Variants in DCP1A observed in about 807,000 individuals in gnomAD.
The protein encoded by DCP1A is mRNA-decapping enzyme 1A.
In DCP1A, 20 loss-of-function variants were observed where a neutral mutation model predicts 58.0. The observed-to-expected ratio is 0.34, with a 90% CI of 0.24 to 0.50. The LOEUF is 0.50. DCP1A is among the 20% of genes least tolerant of loss of function. The probability of loss-of-function intolerance (pLI) is 0.98; values close to 1 mark genes in which losing one functional copy is unlikely to be tolerated. For missense variants in DCP1A, 613 were observed against 712.2 expected (o/e 0.86, Z 1.59); for synonymous variants, 285 against 275.1 (o/e 1.04, Z -0.36).
At chr3:53,304,135 C>G in intron 6 of DCP1A, 42 bp downstream of exon 6, 1 of 1,455,332 alleles carries the variant, frequency 6.9e-7, no homozygotes, top group Non-Finnish European at 9.6e-7. Flanking sequence ...GAATGTTACT[C>G]TTTGTTACTT....
At chr3:53,295,444 A>T (rs1295764467) in intron 6 of DCP1A, among the ~76,000 whole-genome samples, 2 of 152,020 alleles carry the variant, frequency 1.3e-5, no homozygotes, top group Non-Finnish European at 2.9e-5. Context: ...AAGATCTTAT[A>T]TGGTTCAATT....
At chr3:53,294,457 G>C (rs1707048102) in intron 6 of DCP1A, among the ~76,000 whole-genome samples, 1 of 152,158 alleles carries the variant, frequency 6.6e-6, no homozygotes, top group South Asian at 2.1e-4. Context: ...GTTAGGGAGA[G>C]GGGGAAGCTG....
At chr3:53,315,020 C>CG (rs1707760549) in intron 4 of DCP1A, among the ~76,000 whole-genome samples, 1 of 152,032 alleles carries the variant, frequency 6.6e-6, no homozygotes, top group Admixed American at 6.6e-5. Flanking sequence ...CAGAAGCTGT[C>CG]GGGGGTGGTA....
intron 6 of DCP1A, 87 bp from the exon 7 acceptor site, chr3:53,292,914 C>G: frequency 7.2e-7 from 1 of 1,393,150 alleles, no homozygotes; most frequent in Non-Finnish European, 9.7e-7. Flanking sequence ...AAAGATTTTG[C>G]AGAATCAAGG....
chr3:53,342,122 A>G, intron 3 of DCP1A, 22 bp downstream of exon 3: 1 of 1,570,510 alleles, frequency 6.4e-7, no homozygotes, highest in Non-Finnish European at 8.7e-7. Context: ...TGTAATAACT[A>G]TAATAAAACA....
At chr3:53,300,676 C>T (rs1171494050) in intron 6 of DCP1A, among the ~76,000 whole-genome samples, 1 of 151,376 alleles carries the variant, frequency 6.6e-6, no homozygotes, top group Non-Finnish European at 1.5e-5. Flanking sequence ...GAAACAGGGT[C>T]TCCCTTGGTC....
intron 3 of DCP1A, among the ~76,000 whole-genome samples, chr3:53,326,985 C>A (rs956725626): frequency 1.3e-5 from 2 of 151,138 alleles, no homozygotes; most frequent in African/African-American, 4.9e-5. Context: ...AACCCCCCCC[C>A]CCCAACTGGT....
At chr3:53,299,767 G>A (rs1238525005) in intron 6 of DCP1A, among the ~76,000 whole-genome samples, 1 of 152,222 alleles carries the variant, frequency 6.6e-6, no homozygotes, top group Non-Finnish European at 1.5e-5. Flanking sequence ...GCCTGTGGCG[G>A]CTGATGATAA....
Position 53,292,405 on chromosome 3 carries a change from A to G in DCP1A, c.1047T>C (p.Pro349=), listed in dbSNP as rs1706923971. The G allele has an allele frequency of 6.2e-7, 1 of 1,613,812 alleles. No homozygotes were observed. The highest frequency in any genetic ancestry group is 8.5e-7 in the Non-Finnish European group (1 of 1,179,816). The change falls in exon 7 of 10, where the codon CCT becomes CCC. Residue 349 remains proline (P), a synonymous_variant. Transcript: ENST00000610213. ...GGTTCAGGAGTGGAGACCTCTGTCT[A>G]GGCGTGGTCTTCACTGCCTGCATCA... The part of the protein sequence containing the change: ...STMMQAVKTT[P]RQRSPLLNQP...
chr3:53,332,091 T>C (rs1382891391), intron 3 of DCP1A, among the ~76,000 whole-genome samples: 1 of 152,148 alleles, frequency 6.6e-6, no homozygotes, highest in Non-Finnish European at 1.5e-5. Flanking sequence ...CACAGAAGCA[T>C]GATTTCCTCA....
chr3:53,290,750 A>AT, intron 8 of DCP1A, 41 bp downstream of exon 8: 1 of 34,908 alleles, frequency 2.9e-5, no homozygotes, highest in Non-Finnish European at 6.5e-5. Flanking sequence ...GACTAGTCTT[A>AT]AAAAAAAAAA....
At chr3:53,339,460 A>G (rs1256285618) in intron 3 of DCP1A, among the ~76,000 whole-genome samples, 1 of 152,240 alleles carries the variant, frequency 6.6e-6, no homozygotes, top group African/African-American at 2.4e-5. Context: ...AATTTAACCT[A>G]TGATACTACA....
intron 3 of DCP1A, among the ~76,000 whole-genome samples, chr3:53,330,165 C>A (rs1553691124): frequency 6.6e-6 from 1 of 152,122 alleles, no homozygotes; most frequent in Non-Finnish European, 1.5e-5. Flanking sequence ...TAATTTTTAT[C>A]ATTAATCTAC....
intron 8 of DCP1A, chr3:53,290,573 T>C: frequency 1.6e-6 from 1 of 644,454 alleles, no homozygotes; most frequent in Non-Finnish European, 2.7e-6. Flanking sequence ...TTCACTAAGC[T>C]GACAACCTTT....
intron 3 of DCP1A, chr3:53,337,997 A>G (rs147925120): frequency 3.5e-6 from 1 of 282,630 alleles, no homozygotes; most frequent in East Asian, 8.1e-5. Context: ...ATATGGATTG[A>G]TGAAGTAATT....
chr3:53,305,785 A>G (rs1258670897), intron 5 of DCP1A, among the ~76,000 whole-genome samples: 2 of 152,130 alleles, frequency 1.3e-5, no homozygotes, highest in African/African-American at 4.8e-5. Flanking sequence ...ATTCTCTAAG[A>G]TGTTATTAGG....
chr3:53,312,858 C>G (rs1401890790), intron 4 of DCP1A, among the ~76,000 whole-genome samples: 2 of 152,128 alleles, frequency 1.3e-5, no homozygotes, highest in Non-Finnish European at 2.9e-5. Context: ...AAATGACTTA[C>G]CATTTCACCG....
chr3:53,340,516 G>C (rs553195656), intron 3 of DCP1A, among the ~76,000 whole-genome samples: 1 of 152,124 alleles, frequency 6.6e-6, no homozygotes, highest in East Asian at 1.9e-4. Context: ...GAATTAAGAG[G>C]TGTATAATTT....
intron 1 of DCP1A, among the ~76,000 whole-genome samples, chr3:53,345,755 A>T (rs1200908401): frequency 6.6e-6 from 1 of 152,168 alleles, no homozygotes; most frequent in Non-Finnish European, 1.5e-5. Context: ...TTCCAGAAGT[A>T]CTACCCTAGC....
Sources: allele counts gnomAD v4.1 joint callset (sites outside exome capture counted in the v4.1 genomes callset), GRCh38; gene constraint gnomAD v4.1.1; transcripts MANE v1.5; gene names NCBI Gene and HGNC (gene_info 2026-07-23, HGNC 2026-07-21).